The following CIMIP2A variants were observed in gnomAD, a reference collection of about 807,000 sequenced individuals.
CIMIP2A encodes the protein ciliary microtubule inner protein 2A, also known as family with sequence similarity 166 member A.
chr9:137,254,292 G>A, the CIMIP2A span, among the ~76,000 whole-genome samples: 1 of 152,370 alleles, frequency 6.6e-6, no homozygotes, highest in East Asian at 1.9e-4. Context: ...AACCAGCTGG[G>A]GGTTGGATCA....
At chr9:137,244,331 GCAAA>G in the CIMIP2A span, 22 of 1,611,464 alleles carry the variant, frequency 1.4e-5, 1 homozygote, top group East Asian at 1.3e-4. Context: ...TCCCCGGCAG[GCAAA>G]CAGATAGTCA....
At chr9:137,244,390 G>A in the CIMIP2A span, 1 of 1,583,302 alleles carries the variant, frequency 6.3e-7, no homozygotes, top group Non-Finnish European at 8.6e-7. Flanking sequence ...CACTCCGTGG[G>A]AAAGCTGCTA....
At chr9:137,244,000 C>G in the CIMIP2A span, among the ~76,000 whole-genome samples, 1 of 152,116 alleles carries the variant, frequency 6.6e-6, no homozygotes, top group African/African-American at 2.4e-5. Context: ...CCAGTGACCC[C>G]CCTTCCAAAA....
the CIMIP2A span, chr9:137,244,429 C>A: frequency 6.5e-7 from 1 of 1,528,602 alleles, no homozygotes; most frequent in Non-Finnish European, 8.8e-7. Flanking sequence ...ATCCCCCTAC[C>A]CCCGACTCCA....
At chr9:137,243,769 G>A in the CIMIP2A span, 5 of 1,613,928 alleles carry the variant, frequency 3.1e-6, no homozygotes, top group African/African-American at 4.0e-5. Context: ...CGAATGTCAG[G>A]GCGTAGTTGT....
At chr9:137,247,052 G>A in the CIMIP2A span, among the ~76,000 whole-genome samples, 1 of 152,160 alleles carries the variant, frequency 6.6e-6, no homozygotes, top group Admixed American at 6.5e-5. Flanking sequence ...TTGGGAGGCC[G>A]AGGTGGGCAG....
chr9:137,244,196 G>T, the CIMIP2A span: 3 of 1,613,932 alleles, frequency 1.9e-6, no homozygotes, highest in Non-Finnish European at 8.5e-7. Context: ...TGTAGAAGGG[G>T]ATCAGGCCTT....
At chr9:137,244,700 A>ATTACC in the CIMIP2A span, 7 of 1,613,624 alleles carry the variant, frequency 4.3e-6, no homozygotes, top group Non-Finnish European at 5.9e-6. Context: ...ATTCAACCCC[A>ATTACC]TTACCCAGGT....
chr9:137,251,829 C>T, the CIMIP2A span: 2 of 1,606,242 alleles, frequency 1.2e-6, no homozygotes, highest in Non-Finnish European at 1.7e-6. Context: ...CCCAGTTGGC[C>T]TCAGGTTACA....
the CIMIP2A span, chr9:137,252,081 C>G: frequency 1.1e-5 from 18 of 1,612,718 alleles, no homozygotes; most frequent in East Asian, 2.2e-5. Flanking sequence ...CCCGTCCGTA[C>G]GAGAGTCCTC....
At chr9:137,243,632 C>A in the CIMIP2A span, 2 of 1,613,804 alleles carry the variant, frequency 1.2e-6, no homozygotes, top group Non-Finnish European at 1.7e-6. Flanking sequence ...GTGGCCTGTC[C>A]CACTGTGTGC....
chr9:137,251,306 A>G, the CIMIP2A span: 1 of 1,612,920 alleles, frequency 6.2e-7, no homozygotes, highest in Non-Finnish European at 8.5e-7. Context: ...TCTGACCAGA[A>G]GGCAGTGAAA....
chr9:137,249,769 T>C, the CIMIP2A span, among the ~76,000 whole-genome samples: 1 of 152,198 alleles, frequency 6.6e-6, no homozygotes, highest in Non-Finnish European at 1.5e-5. Flanking sequence ...CGCCAGCCCC[T>C]CCCCGTGCCT....
the CIMIP2A span, chr9:137,251,460 G>C: frequency 5.4e-6 from 7 of 1,291,518 alleles, no homozygotes; most frequent in Non-Finnish European, 7.7e-6. Context: ...CTGAGGGACA[G>C]TGTGGGGGGC....
the CIMIP2A span, chr9:137,252,949 C>G: frequency 6.3e-7 from 1 of 1,599,260 alleles, no homozygotes. Context: ...CTGCGTTCAC[C>G]TCCTGGCTCA....
chr9:137,244,202 G>A, the CIMIP2A span: 6 of 1,613,798 alleles, frequency 3.7e-6, no homozygotes, highest in African/African-American at 5.3e-5. Flanking sequence ...AGGGGATCAG[G>A]CCTTGGCTGC....
the CIMIP2A span, chr9:137,244,960 C>T: frequency 2.4e-5 from 38 of 1,603,538 alleles, no homozygotes; most frequent in Non-Finnish European, 3.2e-5. Flanking sequence ...AGGAGGTCCC[C>T]CCAGGCCGCT....
the CIMIP2A span, chr9:137,244,869 A>T: frequency 6.4e-7 from 1 of 1,566,326 alleles, no homozygotes. Flanking sequence ...CGACTGTCTG[A>T]TGTGGCCAAA....
the CIMIP2A span, chr9:137,252,326 G>A: frequency 3.0e-6 from 4 of 1,345,004 alleles, no homozygotes; most frequent in South Asian, 3.9e-5. Context: ...GGTGGACATT[G>A]TGAAGACAAG....
Sources: allele counts gnomAD v4.1 joint callset (sites outside exome capture counted in the v4.1 genomes callset), GRCh38; gene constraint gnomAD v4.1.1; transcripts MANE v1.5; gene names NCBI Gene and HGNC (gene_info 2026-07-23, HGNC 2026-07-21).